The following AK5 variants were observed in gnomAD, a reference collection of about 807,000 sequenced individuals.
The protein encoded by AK5 is adenylate kinase 5.
In AK5, 27 loss-of-function variants were observed where a neutral mutation model predicts 69.5. The ratio of observed to expected loss-of-function variants is 0.39; its 90% CI spans 0.29 to 0.54. The LOEUF (loss-of-function observed/expected upper bound fraction) is 0.54, where lower values mean the gene tolerates loss of function less well. Among genes scored for constraint, AK5 ranks in the 20% least tolerant of loss-of-function variants. AK5 has a pLI of 0.71. For synonymous variants in AK5, 260 were observed against 244.4 expected, an observed-to-expected ratio of 1.06 and a Z score of -0.60; for missense variants, 531 against 700.4, an observed-to-expected ratio of 0.76 and a Z score of 2.73.
At position 77,559,867 on chromosome 1, in the gene AK5, T is replaced by C. The variant is rs1336882952; in HGVS notation, c.*1197T>C. The C allele has an allele frequency of 1.3e-5, 2 of 152,556 alleles. No homozygotes were observed. Among genetic ancestry groups the C allele is most frequent in the Non-Finnish European group, 2.9e-5 (2 of 68,014 alleles). 9.5% of individuals were successfully genotyped at this position (152,556 alleles called of 1,614,324 possible). A position where few individuals can be genotyped will look rare whatever the true frequency, so the allele number is the denominator to read the frequency against. ...AATTTTTTTTTTTTTCTTCAATGGC[T>C]GTGCAGATAAGGATCCATTTCTGGG... On this transcript the variant is annotated 3_prime_UTR_variant, in exon 14 of 14. Coordinates refer to ENST00000354567, the MANE Select transcript of AK5 (RefSeq NM_174858.3).
At chr1:77,326,203 G>A (rs1024624414) in intron 5 of AK5, among the ~76,000 whole-genome samples, 5 of 152,110 alleles carry the variant, frequency 3.3e-5, no homozygotes, top group African/African-American at 1.2e-4. Context: ...ATCTGGTTAA[G>A]ACCTAATGAA....
intron 12 of AK5, among the ~76,000 whole-genome samples, chr1:77,524,990 T>G (rs148688479): frequency 6.6e-6 from 1 of 152,212 alleles, no homozygotes; most frequent in Non-Finnish European, 1.5e-5. Flanking sequence ...CACTGCAACC[T>G]CTACCTACCA....
chr1:77,306,517 T>G (rs1158319440), intron 5 of AK5, among the ~76,000 whole-genome samples: 30 of 148,992 alleles, frequency 2.0e-4, no homozygotes, highest in Non-Finnish European at 2.7e-4. Context: ...TTTTTGAGGA[T>G]TTTTGCATCA....
intron 12 of AK5, among the ~76,000 whole-genome samples, chr1:77,524,001 G>C (rs1358063293): frequency 6.6e-6 from 1 of 152,048 alleles, no homozygotes; most frequent in African/African-American, 2.4e-5. Flanking sequence ...CCCAGCTCCT[G>C]ACAACCACCA....
At chr1:77,542,530 T>C (rs549499735) in intron 13 of AK5, among the ~76,000 whole-genome samples, 1 of 152,300 alleles carries the variant, frequency 6.6e-6, no homozygotes, top group African/African-American at 2.4e-5. Context: ...GGACAAGGAA[T>C]ACCCAGAGAG....
At chr1:77,378,118 T>C (rs1647364880) in intron 6 of AK5, among the ~76,000 whole-genome samples, 1 of 152,230 alleles carries the variant, frequency 6.6e-6, no homozygotes. Flanking sequence ...TTTTCCAGAA[T>C]GCATGAAACT....
At position 77,386,180 on chromosome 1, in the gene AK5, A is replaced by T. The variant is rs149077218; in HGVS notation, c.892-24801A>T. Among the ~76,000 whole-genome samples the T allele has an allele frequency of 4.6e-4, 70 of 152,342 alleles. No individual in the cohort carries two copies. In the East Asian group the frequency reaches 0.013, roughly 29 times the overall value. ...CAATATTAGTTTTCTTTGAGCCCTT[A>T]GTAAATCAAATACATTATTTTAGGC... is the stretch of plus-strand genomic sequence containing the variant. On this transcript the variant is annotated intron_variant, in intron 6 of 13. Coordinates refer to ENST00000354567, the MANE Select transcript of AK5 (RefSeq NM_174858.3).
At chr1:77,396,613 G>A (rs921037231) in intron 6 of AK5, among the ~76,000 whole-genome samples, 5 of 152,160 alleles carry the variant, frequency 3.3e-5, no homozygotes, top group African/African-American at 9.7e-5. Flanking sequence ...TTGTTTAAAC[G>A]GCTCTGAATT....
intron 6 of AK5, among the ~76,000 whole-genome samples, chr1:77,341,357 C>A (rs1165263001): frequency 6.6e-6 from 1 of 152,196 alleles, no homozygotes; most frequent in Non-Finnish European, 1.5e-5. Flanking sequence ...GACACTAAAA[C>A]CACAGCAGCT....
chr1:77,358,416 C>T (rs553377447), intron 6 of AK5, among the ~76,000 whole-genome samples: 15 of 152,208 alleles, frequency 9.9e-5, no homozygotes, highest in East Asian at 3.9e-4. Context: ...ACTTACAGAA[C>T]GCACAAATGA....
At chr1:77,333,269 T>C (rs963318099) in intron 5 of AK5, among the ~76,000 whole-genome samples, 5 of 152,206 alleles carry the variant, frequency 3.3e-5, no homozygotes, top group African/African-American at 1.2e-4. Flanking sequence ...CCGTTTTTGC[T>C]GTGACTAGCT....
intron 8 of AK5, among the ~76,000 whole-genome samples, chr1:77,440,708 T>C (rs1377093656): frequency 6.6e-6 from 1 of 152,056 alleles, no homozygotes; most frequent in Non-Finnish European, 1.5e-5. Context: ...TCTAACTGTA[T>C]AATTTATAAT....
At chr1:77,285,508 A>G (rs10747353) in intron 1 of AK5, among the ~76,000 whole-genome samples, 1 of 152,072 alleles carries the variant, frequency 6.6e-6, no homozygotes, top group African/African-American at 2.4e-5. Context: ...ATTTAAACAG[A>G]TGTCAGCCCT....
At chr1:77,307,235 G>A (rs1423099131) in intron 5 of AK5, among the ~76,000 whole-genome samples, 2 of 151,158 alleles carry the variant, frequency 1.3e-5, no homozygotes, top group African/African-American at 2.4e-5. Flanking sequence ...GGCACTTATA[G>A]CTATAAACTT....
At chr1:77,314,829 G>T (rs1001946629) in intron 5 of AK5, 22 of 152,104 alleles carry the variant, frequency 1.4e-4, no homozygotes, top group African/African-American at 5.3e-4. Flanking sequence ...CACCTGTAAG[G>T]TCCATAGTAT....
intron 8 of AK5, among the ~76,000 whole-genome samples, chr1:77,470,213 A>T (rs1380787458): frequency 2.0e-5 from 3 of 152,168 alleles, no homozygotes; most frequent in African/African-American, 7.2e-5. Flanking sequence ...TCAATAAATA[A>T]TGCATCCCTG....
At chr1:77,477,731 T>C (rs1655033173) in intron 8 of AK5, among the ~76,000 whole-genome samples, 1 of 152,208 alleles carries the variant, frequency 6.6e-6, no homozygotes, top group Non-Finnish European at 1.5e-5. Flanking sequence ...GCAGCATTCA[T>C]TTGTGAATTT....
At chr1:77,387,723 C>T (rs1648126284) in intron 6 of AK5, among the ~76,000 whole-genome samples, 1 of 152,204 alleles carries the variant, frequency 6.6e-6, no homozygotes, top group South Asian at 2.1e-4. Context: ...TGAAAACATA[C>T]TCCAAGTGAT....
At chr1:77,314,334 C>G (rs937151563) in intron 5 of AK5, 2 of 154,588 alleles carry the variant, frequency 1.3e-5, no homozygotes, top group Admixed American at 6.3e-5. Context: ...GGAATATTCT[C>G]TAGCTACAAT....
Sources: gnomAD v4.1 joint callset for allele counts (sites outside exome capture counted in the v4.1 genomes callset) on GRCh38, gnomAD v4.1.1 for gene constraint, MANE v1.5 for transcripts, NCBI Gene and HGNC (gene_info 2026-07-23, HGNC 2026-07-21) for gene names.